PDE4B: variants seen among roughly 807,000 people sequenced by gnomAD.
PDE4B encodes the protein phosphodiesterase 4B, also known as 3',5'-cyclic-AMP phosphodiesterase 4B.
A neutral mutation model predicts 82.2 loss-of-function variants in PDE4B; 20 were observed. The ratio of observed to expected loss-of-function variants is 0.24; its 90% CI spans 0.17 to 0.35. The LOEUF is 0.35. Ranked by LOEUF, PDE4B falls within the 10% of genes least tolerant of loss-of-function variation. The pLI is 1.00. For synonymous variants in PDE4B, 320 were observed against 318.9 expected (o/e 1.00, Z -0.04); for missense variants, 655 against 907.2 (o/e 0.72, Z 3.57).
intron 3 of PDE4B, among the ~76,000 whole-genome samples, chr1:66,180,161 T>C (rs190023867): frequency 1.1e-4 from 17 of 152,278 alleles, no homozygotes; most frequent in Non-Finnish European, 2.1e-4. Flanking sequence ...TGTGAACGAA[T>C]ACATGTATTG....
chr1:66,240,152 G>A (rs1018540805), intron 3 of PDE4B, among the ~76,000 whole-genome samples: 3 of 152,230 alleles, frequency 2.0e-5, no homozygotes, highest in Non-Finnish European at 4.4e-5. Flanking sequence ...GGCAAGAGAT[G>A]ACTGAGTATC....
At chr1:66,260,081 T>A (rs1044908069) in intron 6 of PDE4B, among the ~76,000 whole-genome samples, 1 of 152,240 alleles carries the variant, frequency 6.6e-6, no homozygotes, top group African/African-American at 2.4e-5. Context: ...TACATTTCTC[T>A]TGCTGAATCC....
chr1:66,165,165 A>T (rs1646703462), intron 3 of PDE4B, among the ~76,000 whole-genome samples: 1 of 152,198 alleles, frequency 6.6e-6, no homozygotes, highest in African/African-American at 2.4e-5. Flanking sequence ...ACTTTCTGTT[A>T]TAAAATGAGA....
intron 1 of PDE4B, among the ~76,000 whole-genome samples, chr1:65,804,633 T>C (rs903655993): frequency 2.0e-5 from 3 of 151,534 alleles, no homozygotes; most frequent in Non-Finnish European, 2.9e-5. Flanking sequence ...AAGAGGGGAA[T>C]AGGGGAATTG....
At chr1:66,172,841 T>C (rs1646863386) in intron 3 of PDE4B, among the ~76,000 whole-genome samples, 1 of 152,206 alleles carries the variant, frequency 6.6e-6, no homozygotes, top group Admixed American at 6.5e-5. Flanking sequence ...TCAGTTATAA[T>C]ATGATGTTTA....
intron 3 of PDE4B, among the ~76,000 whole-genome samples, chr1:66,239,917 G>A (rs1289933486): frequency 1.3e-5 from 2 of 152,152 alleles, no homozygotes; most frequent in Non-Finnish European, 2.9e-5. Flanking sequence ...AAAAATTAAA[G>A]CTTTCTAACA....
chr1:66,054,576 C>G (rs1655205601), intron 3 of PDE4B, among the ~76,000 whole-genome samples: 1 of 152,158 alleles, frequency 6.6e-6, no homozygotes, highest in African/African-American at 2.4e-5. Context: ...TGACAATTGG[C>G]TGTTTAATTT....
At chr1:66,200,249 C>A (rs1648770253) in intron 3 of PDE4B, among the ~76,000 whole-genome samples, 1 of 152,108 alleles carries the variant, frequency 6.6e-6, no homozygotes, top group African/African-American at 2.4e-5. Context: ...GTTACTGTAG[C>A]CTTATAGTAT....
In PDE4B at chr1:66,102,967, T is replaced by C. The variant is rs1324313904; in HGVS notation, c.282-144493T>C. On this transcript the variant is annotated intron_variant, in intron 3 of 16. Coordinates refer to ENST00000341517, the MANE Select transcript of PDE4B (RefSeq NM_002600.4). ...AACCACAGTCTACTTCTAAGGAAAT[T>C]AATTATATAAAAGGAAGGATCCTAT... is the stretch of plus-strand genomic sequence containing the variant. Among the ~76,000 whole-genome samples the C allele has an allele frequency of 2.0e-5, 3 of 152,116 alleles. No homozygotes were observed. In the East Asian group the frequency reaches 5.8e-4, roughly 29 times the overall value.
chr1:66,165,118 A>G (rs1646702878), intron 3 of PDE4B, among the ~76,000 whole-genome samples: 1 of 151,878 alleles, frequency 6.6e-6, no homozygotes, highest in Admixed American at 6.6e-5. Flanking sequence ...CTAATTAACC[A>G]TTTCCTTGGA....
intron 3 of PDE4B, among the ~76,000 whole-genome samples, chr1:66,164,517 C>G (rs1646680052): frequency 1.1e-5 from 1 of 94,502 alleles, no homozygotes; most frequent in African/African-American, 4.2e-5. Context: ...GCCTGGACAA[C>G]AGAGAGAGAC....
At chr1:65,986,794 A>C (rs1337214983) in intron 3 of PDE4B, among the ~76,000 whole-genome samples, 1 of 152,156 alleles carries the variant, frequency 6.6e-6, no homozygotes, top group East Asian at 1.9e-4. Flanking sequence ...TATGATAAAC[A>C]AGTAATTAAT....
intron 3 of PDE4B, among the ~76,000 whole-genome samples, chr1:66,222,097 C>T (rs1651034463): frequency 6.6e-6 from 1 of 152,038 alleles, no homozygotes; most frequent in South Asian, 2.1e-4. Flanking sequence ...CTCTGGCTTC[C>T]AATTTCCAAG....
chr1:66,266,090 A>G lies in PDE4B; in HGVS notation c.634+3A>G. 1 of 1,607,542 alleles carries G rather than the reference A, an allele frequency of 6.2e-7. No homozygotes were observed. Among genetic ancestry groups the G allele is most frequent in the Non-Finnish European group, 8.5e-7 (1 of 1,174,030 alleles). The stretch of plus-strand genomic sequence containing the variant: ...TGTCTCCAGAGTCAACCCACAAGGT[A>G]GGCCATGTCATAAGGTCTATCTAGA... On this transcript the variant is annotated splice_donor_region_variant and intron_variant, in intron 7 of 16. Transcript: ENST00000341517.
intron 3 of PDE4B, among the ~76,000 whole-genome samples, chr1:66,125,196 C>T (rs1283540260): frequency 7.1e-6 from 1 of 140,250 alleles, no homozygotes; most frequent in Non-Finnish European, 1.5e-5. Flanking sequence ...TGGAGTCTCA[C>T]TCTGTCGCCA....
intron 9 of PDE4B, among the ~76,000 whole-genome samples, chr1:66,356,129 C>A (rs573439625): frequency 3.2e-4 from 49 of 152,250 alleles, no homozygotes; most frequent in African/African-American, 1.0e-3. Flanking sequence ...TATTGCTTTG[C>A]TAAGTTATTT....
intron 3 of PDE4B, among the ~76,000 whole-genome samples, chr1:66,022,255 C>G (rs1653170707): frequency 6.6e-6 from 1 of 152,172 alleles, no homozygotes; most frequent in Non-Finnish European, 1.5e-5. Flanking sequence ...CATCTGCAAA[C>G]AGGGACAATT....
At chr1:65,924,367 C>T (rs1324078156) in intron 3 of PDE4B, among the ~76,000 whole-genome samples, 1 of 151,784 alleles carries the variant, frequency 6.6e-6, no homozygotes, top group Non-Finnish European at 1.5e-5. Context: ...AGCCACCGCG[C>T]CCGGCCGCTA....
chr1:66,311,270 C>T (rs899059674), intron 7 of PDE4B, among the ~76,000 whole-genome samples: 2 of 152,140 alleles, frequency 1.3e-5, no homozygotes, highest in Admixed American at 6.5e-5. Flanking sequence ...TCTTTATCAG[C>T]GAAACAGGTT....
Sources: gnomAD v4.1 joint callset for allele counts (sites outside exome capture counted in the v4.1 genomes callset) on GRCh38, gnomAD v4.1.1 for gene constraint, MANE v1.5 for transcripts, NCBI Gene and HGNC (gene_info 2026-07-23, HGNC 2026-07-21) for gene names.